ZNF165: variants seen among roughly 807,000 people sequenced by gnomAD.
The protein encoded by ZNF165 is zinc finger protein 165, also known as cancer/testis antigen 53.
In ZNF165, 14 loss-of-function variants were observed where a neutral mutation model predicts 19.6. The ratio of observed to expected loss-of-function variants is 0.71; its 90% confidence interval spans 0.47 to 1.12. The LOEUF is 1.12. Among genes scored for constraint, ZNF165 ranks in the 50% most tolerant of loss-of-function variants. The pLI is 0.00. For synonymous variants in ZNF165, 165 were observed against 195.0 expected (o/e 0.85, Z 1.28); for missense variants, 504 against 566.3 (o/e 0.89, Z 1.12).
rs1484508235 is a variant in ZNF165 at position 28,080,969 on chromosome 6, A to G, written c.-2A>G. On this transcript the variant is annotated splice_region_variant and 5_prime_UTR_variant, in exon 1 of 4. Coordinates refer to ENST00000683778, the MANE Select transcript of ZNF165 (RefSeq NM_001376491.1). Reference sequence around the variant, plus strand: ...CCGATCGGAATCAGCCCTGTCCGAGAGGTGAGTCCGGGTTTGGGGATCCAG... The same window carrying G: ...CCGATCGGAATCAGCCCTGTCCGAGGGGTGAGTCCGGGTTTGGGGATCCAG... The G allele has an allele frequency of 6.6e-6, 1 of 152,276 alleles. No homozygotes were observed. The highest frequency in any genetic ancestry group is 1.5e-5 in the Non-Finnish European group (1 of 68,162). 9.4% of individuals were successfully genotyped at this position (152,276 alleles called of 1,614,324 possible).
Position 28,086,318 on chromosome 6 carries a change from G to T in ZNF165, c.550+8G>T, listed in dbSNP as rs1317434834. ...AGCTCCTATGGGACTGTGGTGAGGG[G>T]CAGAATGCCATATAGTGCACATCAC... On this transcript the variant is annotated splice_region_variant and intron_variant, in intron 3 of 3. Transcript: ENST00000683778. 1.2e-6 allele frequency: 2 copies of T among 1,610,904 alleles called. No homozygotes were observed. The highest frequency in any genetic ancestry group is 1.3e-5 in the African/African-American group (1 of 74,668).
chr6:28,081,144 C>G (rs912204784), intron 1 of ZNF165, 174 bp downstream of exon 1: 1 of 152,282 alleles, frequency 6.6e-6, no homozygotes, highest in Non-Finnish European at 1.5e-5. Context: ...GGCGCGCTTA[C>G]GCATTTAGTG....
At position 28,089,348 on chromosome 6, in the gene ZNF165, C is replaced by T; in HGVS notation, c.1336C>T (p.His446Tyr). ...CCGAGTGAGCTCACATCTTATTCGA[C>T]ACTTTAGAATTCACACTGGAGAAAA... ...TFRVSSHLIR[H>Y]FRIHTGEKPY... The change falls in exon 4 of 4, where the codon CAC (histidine) becomes TAC (tyrosine). Residue 446 changes from histidine to tyrosine, a missense_variant. His to Tyr is a moderately conservative substitution (Grantham distance 83). Transcript: ENST00000683778. 6.2e-7 allele frequency: 1 copy of T among 1,614,180 alleles called. No individual in the cohort carries two copies. Among genetic ancestry groups the T allele is most frequent in the Non-Finnish European group, 8.5e-7 (1 of 1,180,024 alleles).
In ZNF165 at chr6:28,088,663, A is replaced by G. The variant is rs1466173754; in HGVS notation, c.651A>G (p.Ser217=). ...IISGRISGYI[S]EASGESQDIC... Reference sequence around the variant, plus strand: ...CTGGAAGAATCTCAGGATACATATCAGAAGCATCTGGTGAGTCTCAAGACA... The same window carrying G: ...CTGGAAGAATCTCAGGATACATATCGGAAGCATCTGGTGAGTCTCAAGACA... Residue 217 remains serine (S), a synonymous_variant, in exon 4 of 4, where the codon TCA becomes TCG. Coordinates refer to ENST00000683778, the MANE Select transcript of ZNF165 (RefSeq NM_001376491.1). 3.1e-6 allele frequency: 5 copies of G among 1,614,092 alleles called. No homozygotes were observed. Among genetic ancestry groups the G allele is most frequent in the East Asian group, 2.2e-5 (1 of 44,898 alleles).
Position 28,088,893 on chromosome 6 carries a change from A to G in ZNF165, c.881A>G (p.His294Arg). The change falls in exon 4 of 4, where the codon CAT (histidine) becomes CGT (arginine). Residue 294 changes from histidine (H) to arginine (R), a missense_variant. Coordinates refer to ENST00000683778, the MANE Select transcript of ZNF165 (RefSeq NM_001376491.1). ...NEFTHQKSCK[H>R]GTCDQSFKWN... is the part of the protein sequence containing the mutation. ...TTCACACACCAGAAATCTTGTAAAC[A>G]TGGTACCTGTGACCAGAGCTTCAAA... 1.9e-6 allele frequency: 3 copies of G among 1,614,172 alleles called. No individual in the cohort carries two copies. The highest frequency in any genetic ancestry group is 1.3e-5 in the African/African-American group (1 of 75,060).
chr6:28,082,564 A>G (rs753189228), intron 1 of ZNF165, among the ~76,000 whole-genome samples: 8 of 152,250 alleles, frequency 5.3e-5, no homozygotes, highest in Non-Finnish European at 1.2e-4. Context: ...CAGCATGAAC[A>G]TGTCCTTAAG....
intron 1 of ZNF165, among the ~76,000 whole-genome samples, chr6:28,082,269 T>A (rs9368549): frequency 0.23 from 35,537 of 151,626 alleles, 4,292 homozygotes; most frequent in African/African-American, 0.3. Flanking sequence ...ATTAATACTG[T>A]TACATATCTT....
Position 28,088,938 on chromosome 6 carries a change from A to G in ZNF165, c.926A>G (p.Asn309Ser), listed in dbSNP as rs778434729. The G allele has an allele frequency of 6.2e-7, 1 of 1,614,182 alleles. No homozygotes were observed. Among genetic ancestry groups the G allele is most frequent in the Non-Finnish European group, 8.5e-7 (1 of 1,180,026 alleles). ...QSFKWNSDFI[N>S]HQIIYAGEKN... ...TTCAAATGGAACTCAGATTTTATTA[A>G]CCATCAAATAATTTATGCTGGAGAA... The change falls in exon 4 of 4, where the codon AAC becomes AGC. Residue 309 changes from asparagine to serine, a missense_variant. Coordinates refer to ENST00000683778, the MANE Select transcript of ZNF165 (RefSeq NM_001376491.1).
intron 1 of ZNF165, among the ~76,000 whole-genome samples, chr6:28,081,958 T>C (rs1237142831): frequency 6.6e-6 from 1 of 152,220 alleles, no homozygotes; most frequent in Non-Finnish European, 1.5e-5. Context: ...CTCAGCATAA[T>C]TGAAATTTCA....
chr6:28,089,559 T>A lies in ZNF165; in HGVS notation c.*89T>A, dbSNP rs1764387033. The A allele has an allele frequency of 1.5e-6, 2 of 1,318,092 alleles. No homozygotes were observed. Among genetic ancestry groups the A allele is most frequent in the African/African-American group, 1.5e-5 (1 of 67,208 alleles). 81.6% of individuals were successfully genotyped at this position (1,318,092 alleles called of 1,614,324 possible). On this transcript the variant is annotated 3_prime_UTR_variant, in exon 4 of 4. Transcript: ENST00000683778. The stretch of plus-strand genomic sequence containing the variant: ...ATAAATATTGGGCAAGATGGAAGAC[T>A]GAAAGACCAGTTTCTGGTGTTCAAT...
chr6:28,089,542 T>C lies in ZNF165; in HGVS notation c.*72T>C. 7.2e-7 allele frequency: 1 copy of C among 1,394,506 alleles called. No homozygotes were observed. The highest frequency in any genetic ancestry group is 9.4e-7 in the Non-Finnish European group (1 of 1,059,358). The allele number at this position is 1,394,506 out of a possible 1,614,324, so 86.4% of individuals were successfully genotyped here. ...AAAATATTAAATAAAAAATAAATAT[T>C]GGGCAAGATGGAAGACTGAAAGACC... On this transcript the variant is annotated 3_prime_UTR_variant, in exon 4 of 4. Coordinates refer to ENST00000683778, the MANE Select transcript of ZNF165 (RefSeq NM_001376491.1).
At chr6:28,086,095 G>A in intron 2 of ZNF165, 77 bp from the exon 3 acceptor site, 3 of 1,550,234 alleles carry the variant, frequency 1.9e-6, no homozygotes, top group Non-Finnish European at 1.7e-6. Flanking sequence ...CATTTCTATG[G>A]GAGTTTCTCT....
At chr6:28,082,663 G>A (rs976343652) in intron 1 of ZNF165, among the ~76,000 whole-genome samples, 1 of 152,224 alleles carries the variant, frequency 6.6e-6, no homozygotes, top group African/African-American at 2.4e-5. Flanking sequence ...CTTCCAGCGT[G>A]GGCGTCAAGG....
At chr6:28,081,869 C>T (rs1019776818) in intron 1 of ZNF165, among the ~76,000 whole-genome samples, 6 of 152,156 alleles carry the variant, frequency 3.9e-5, no homozygotes, top group Non-Finnish European at 7.3e-5. Context: ...TAGGGGGACT[C>T]GGTTTTAAAT....
At chr6:28,086,403 C>T in intron 3 of ZNF165, 93 bp downstream of exon 3, 1 of 1,493,920 alleles carries the variant, frequency 6.7e-7, no homozygotes, top group African/African-American at 1.4e-5. Context: ...GTAGATGGTC[C>T]TTTCCTTTAT....
At chr6:28,080,415 T>G (rs897263486), upstream of ZNF165, among the ~76,000 whole-genome samples, 1 of 152,076 alleles carries the variant, frequency 6.6e-6, no homozygotes, top group African/African-American at 2.4e-5. Context: ...TCTCACTCTG[T>G]CACCCAAGCT....
Position 28,088,723 on chromosome 6 carries a change from G to A in ZNF165, c.711G>A (p.Trp237Ter). 1 of 1,614,100 alleles carries A rather than the reference G, an allele frequency of 6.2e-7. No individual in the cohort carries two copies. Among genetic ancestry groups the A allele is most frequent in the Non-Finnish European group, 8.5e-7 (1 of 1,180,022 alleles). ...CTGCAGGCAGGGTAAAGAGACAATG[G>A]GAAAAAGAATCAGGGGAGTCTCAGA... ...CKSAGRVKRQ[W>*]EKESGESQRL... Residue 237 changes from tryptophan (W) to a stop codon, truncating the protein, a stop_gained, in exon 4 of 4, where the codon TGG (tryptophan) becomes TGA (stop). Transcript: ENST00000683778. LOFTEE classifies it low-confidence loss of function (END_TRUNC).
rs201299438 is a variant in ZNF165 at position 28,089,303 on chromosome 6, A to G, written c.1291A>G (p.Ser431Gly). 3 of 1,614,208 alleles carry G rather than the reference A, an allele frequency of 1.9e-6. No homozygotes were observed. In the East Asian group the frequency reaches 6.7e-5, roughly 36 times the overall value. Residue 431 changes from serine to glycine, a missense_variant, in exon 4 of 4, where the codon AGT becomes GGT. By Grantham distance (56) the Ser-to-Gly change is moderately conservative. Coordinates refer to ENST00000683778, the MANE Select transcript of ZNF165 (RefSeq NM_001376491.1). Reference sequence around the variant, plus strand: ...CACCAGAGAGAAACCCTACGAGTGTAGTGAATGTGGGAAAACCTTCCGAGT... The same window carrying G: ...CACCAGAGAGAAACCCTACGAGTGTGGTGAATGTGGGAAAACCTTCCGAGT... ...IHTREKPYEC[S>G]ECGKTFRVSS...
intron 2 of ZNF165, 96 bp from the exon 3 acceptor site, chr6:28,086,076 C>A: frequency 6.5e-7 from 1 of 1,531,870 alleles, no homozygotes. Flanking sequence ...TCTTCCTTCC[C>A]CAGTTTTGCA....
Sources: gnomAD v4.1 joint callset for allele counts (sites outside exome capture counted in the v4.1 genomes callset) on GRCh38, gnomAD v4.1.1 for gene constraint, MANE v1.5 for transcripts, NCBI Gene and HGNC (gene_info 2026-07-23, HGNC 2026-07-21) for gene names.